Variants in GPLD1 observed in about 807,000 individuals in gnomAD.
The protein encoded by GPLD1 is phosphatidylinositol-glycan-specific phospholipase D.
Under a neutral mutation model 112.6 loss-of-function variants are expected in GPLD1, and 84 were observed. The ratio of observed to expected loss-of-function variants is 0.75; its 90% confidence interval spans 0.63 to 0.89. The LOEUF (loss-of-function observed/expected upper bound fraction) is 0.89. GPLD1 is among the 40% of genes least tolerant of loss of function. The pLI is 0.00. For synonymous variants in GPLD1, 386 were observed against 403.8 expected (o/e 0.96, Z 0.53); for missense variants, 1,044 against 1,051.5 (o/e 0.99, Z 0.10).
At chr6:24,468,338 G>T (rs1763686673) in intron 7 of GPLD1, among the ~76,000 whole-genome samples, 1 of 152,150 alleles carries the variant, frequency 6.6e-6, no homozygotes, top group East Asian at 1.9e-4. Flanking sequence ...GCTCACCTGA[G>T]ACAAATGTAT....
Position 24,446,951 on chromosome 6 carries a change from C to A in GPLD1, c.1707G>T (p.Trp569Cys), listed in dbSNP as rs1190158998. ...AGAAGTCTTCCTCGCCTCTCACCGT[C>A]CAGTTGGCTGCCTCCACGTTCAGTT... Reference protein sequence around the residue: ...KEKLNVEAANWTVRGEEDFSW... With the variant: ...KEKLNVEAANCTVRGEEDFSW... The change falls in exon 18 of 25, where the codon TGG becomes TGT. Residue 569 changes from tryptophan (W) to cysteine (C), a missense_variant. Physicochemically the swap from Trp to Cys is radical, Grantham distance 215 (BLOSUM62 -2). Transcript: ENST00000230036. The A allele has an allele frequency of 3.7e-6, 6 of 1,613,554 alleles. No individual in the cohort carries two copies. The highest frequency in any genetic ancestry group is 4.2e-6 in the Non-Finnish European group (5 of 1,179,800).
intron 20 of GPLD1, among the ~76,000 whole-genome samples, chr6:24,444,153 T>C (rs1207973741): frequency 1.3e-5 from 2 of 152,160 alleles, no homozygotes; most frequent in Non-Finnish European, 2.9e-5. Flanking sequence ...AGTCAAAGAC[T>C]AGGTACATGA....
At chr6:24,468,452 C>T (rs1269438206) in intron 7 of GPLD1, among the ~76,000 whole-genome samples, 2 of 152,154 alleles carry the variant, frequency 1.3e-5, no homozygotes, top group Non-Finnish European at 2.9e-5. Flanking sequence ...ATTGGAAATT[C>T]GGAAGGATGT....
At chr6:24,436,394 A>C (rs1303028406) in intron 22 of GPLD1, among the ~76,000 whole-genome samples, 182 bp downstream of exon 22, 1 of 152,222 alleles carries the variant, frequency 6.6e-6, no homozygotes, top group Non-Finnish European at 1.5e-5. Context: ...CTCTGGGCAC[A>C]AATGTTGCAG....
chr6:24,449,313 G>A (rs1009029811), intron 15 of GPLD1, among the ~76,000 whole-genome samples: 1 of 152,144 alleles, frequency 6.6e-6, no homozygotes, highest in Non-Finnish European at 1.5e-5. Context: ...GCCCGGATGC[G>A]TGGTCCCTGC....
chr6:24,475,040 C>A (rs1202284921), intron 5 of GPLD1, 81 bp downstream of exon 5: 8 of 763,894 alleles, frequency 1.0e-5, no homozygotes, highest in Non-Finnish European at 1.9e-5. Context: ...ATTTTCCTTT[C>A]TTTTAAAACG....
Position 24,445,534 on chromosome 6 carries a change from T to G in GPLD1, c.2020+12A>C, listed in dbSNP as rs776670847. On this transcript the variant is annotated intron_variant, in intron 20 of 24. Transcript: ENST00000230036. ...ACTGAAAGGAAGCACAGTTTCACAG[T>G]GTGTGACCTACCGTACGTAGGGGCT... The G allele has an allele frequency of 6.3e-7, 1 of 1,583,780 alleles. No individual in the cohort carries two copies. The highest frequency in any genetic ancestry group is 1.1e-5 in the South Asian group (1 of 90,434).
chr6:24,460,536 C>A (rs1012598383), intron 11 of GPLD1, 137 bp from the exon 12 acceptor site: 7 of 840,702 alleles, frequency 8.3e-6, no homozygotes, highest in Non-Finnish European at 1.3e-5. Context: ...GAAGGAGCAA[C>A]ACAGAAAGTT....
Position 24,432,075 on chromosome 6 carries a change from CTT to C in GPLD1, c.2436+1110_2436+1111del, listed in dbSNP as rs376545283. ...CCAGCCTGGGCAACATGGTGAAACT[CTT>C]GTCTCCTAAAAATACAAAAACTAGC... On this transcript the variant is annotated intron_variant, in intron 24 of 24. Coordinates refer to ENST00000230036, the MANE Select transcript of GPLD1 (RefSeq NM_001503.4). 3.2e-3 allele frequency among the ~76,000 whole-genome samples: 487 copies of C among 151,930 alleles called. 7 individuals are homozygous for C. Among genetic ancestry groups the C allele is most frequent in the African/African-American group, 0.011 (455 of 41,432 alleles).
At chr6:24,478,447 T>TGACC (rs1458160085) in intron 3 of GPLD1, among the ~76,000 whole-genome samples, 1 of 152,014 alleles carries the variant, frequency 6.6e-6, no homozygotes, top group Non-Finnish European at 1.5e-5. Flanking sequence ...TAATAGCAGA[T>TGACC]GACCCAAAAC....
upstream of GPLD1, among the ~76,000 whole-genome samples, chr6:24,490,975 T>G (rs2127375934): frequency 6.6e-6 from 1 of 152,300 alleles, no homozygotes; most frequent in South Asian, 2.1e-4. Flanking sequence ...TTTTATAAAC[T>G]TAAATCAAGT....
intron 10 of GPLD1, among the ~76,000 whole-genome samples, chr6:24,465,145 C>G (rs1375233063): frequency 7.2e-6 from 1 of 138,532 alleles, no homozygotes; most frequent in African/African-American, 2.7e-5. Flanking sequence ...TGCAGTGAGC[C>G]GAGATCGCAC....
At chr6:24,482,097 A>ATTTTT (rs66567770) in intron 2 of GPLD1, among the ~76,000 whole-genome samples, 9 of 103,226 alleles carry the variant, frequency 8.7e-5, no homozygotes, top group East Asian at 2.6e-4. Context: ...GTATTTTTGG[A>ATTTTT]TTTTTTTTTT....
chr6:24,484,029 C>T (rs1464190616), intron 2 of GPLD1, among the ~76,000 whole-genome samples: 1 of 152,202 alleles, frequency 6.6e-6, no homozygotes, highest in Non-Finnish European at 1.5e-5. Flanking sequence ...CATTCTCCCG[C>T]CTCAGCCTCC....
chr6:24,495,245 C>T (rs1405099148), upstream of GPLD1: 3 of 1,524,290 alleles, frequency 2.0e-6, no homozygotes, highest in African/African-American at 1.4e-5. Context: ...ACCCGGCCAG[C>T]GGCGCCGCTC....
At chr6:24,442,422 ATTTTTTTTTTTTTTTTTTTTTT>A (rs71002496) in intron 20 of GPLD1, among the ~76,000 whole-genome samples, 7 of 60,618 alleles carry the variant, frequency 1.2e-4, no homozygotes, top group Admixed American at 2.6e-4. Flanking sequence ...CATCTGGCTA[ATTTTTTTTTTTTTTTTTTTTTT>A]TTTTTTTTTT....
chr6:24,431,112 G>C (rs1486310664), intron 24 of GPLD1, among the ~76,000 whole-genome samples: 1 of 152,002 alleles, frequency 6.6e-6, no homozygotes, highest in Non-Finnish European at 1.5e-5. Context: ...TTCCCATAAA[G>C]TTAATAACCA....
intron 14 of GPLD1, among the ~76,000 whole-genome samples, chr6:24,452,326 T>A (rs894139563): frequency 1.3e-5 from 2 of 152,180 alleles, no homozygotes; most frequent in Non-Finnish European, 2.9e-5. Flanking sequence ...ATTTTGGAAA[T>A]TTTTCATGTG....
intron 24 of GPLD1, among the ~76,000 whole-genome samples, chr6:24,430,166 GCAT>G (rs1299257591): frequency 6.6e-6 from 1 of 152,178 alleles, no homozygotes; most frequent in African/African-American, 2.4e-5. Context: ...TAAGAAAACA[GCAT>G]CAAATGGTAC....
Sources: allele counts gnomAD v4.1 joint callset (sites outside exome capture counted in the v4.1 genomes callset), GRCh38; gene constraint gnomAD v4.1.1; transcripts MANE v1.5; gene names NCBI Gene and HGNC (gene_info 2026-07-23, HGNC 2026-07-21).